The following EHMT2 variants were observed in gnomAD, a reference collection of about 807,000 sequenced individuals.
EHMT2 encodes euchromatic histone lysine methyltransferase 2.
EHMT2 carries 59 observed loss-of-function variants against 143.3 expected under a neutral mutation model. The observed-to-expected ratio is 0.41, with a 90% CI of 0.33 to 0.51. The LOEUF is 0.51. EHMT2 is among the 20% of genes least tolerant of loss of function. The probability of loss-of-function intolerance (pLI) is 0.18; values close to 1 mark genes in which losing one functional copy is unlikely to be tolerated. For synonymous variants in EHMT2, 604 were observed against 651.5 expected (o/e 0.93, Z 1.11); for missense variants, 1,174 against 1,645.9 (o/e 0.71, Z 4.96).
intron 24 of EHMT2, 47 bp downstream of exon 24, chr6:31,882,847 G>A: frequency 6.2e-7 from 1 of 1,611,958 alleles, no homozygotes; most frequent in East Asian, 2.2e-5. Flanking sequence ...GGGGCAGGGA[G>A]GAAAGGGTGA....
chr6:31,896,030 A>G (rs531052227), intron 4 of EHMT2: 124 of 475,888 alleles, frequency 2.6e-4, no homozygotes, highest in Admixed American at 2.4e-3. Context: ...TTAAGACATT[A>G]ACTATATAAT....
chr6:31,881,177 TG>T lies in EHMT2; in HGVS notation c.3198-86del. 3.4e-6 allele frequency: 4 copies of T among 1,182,430 alleles called. No homozygotes were observed. The highest frequency in any genetic ancestry group is 5.0e-6 in the Non-Finnish European group (4 of 793,696). 73.2% of individuals were successfully genotyped at this position (1,182,430 alleles called of 1,614,324 possible). On this transcript the variant is annotated intron_variant, in intron 25 of 27. Coordinates refer to ENST00000375537, the Ensembl canonical transcript of EHMT2. The surrounding 1 kb of genome is among the most constrained non-coding windows in gnomAD (Gnocchi z 4.8). The stretch of plus-strand genomic sequence containing the variant: ...GGCCCCATCTCTCTTCACAAGCCTG[TG>T]GAATCTGGAATGGGCAGGGCTGGCA...
At chr6:31,885,199 C>T (rs761099426) in intron 18 of EHMT2, 183 bp from the exon 19 acceptor site, 15 of 767,262 alleles carry the variant, frequency 2.0e-5, no homozygotes, top group East Asian at 2.9e-5. Context: ...CTAGTAGGGT[C>T]GGGCGCGGTG....
chr6:31,887,691 G>T, intron 14 of EHMT2, 32 bp from the exon 15 acceptor site: 1 of 1,611,062 alleles, frequency 6.2e-7, no homozygotes. Context: ...GGGGAGAGAA[G>T]GGGAGCTCCT....
chr6:31,886,130 T>TA (rs1764816832), intron 18 of EHMT2: 1 of 161,648 alleles, frequency 6.2e-6, no homozygotes, highest in Non-Finnish European at 1.3e-5. Flanking sequence ...CAGAGTTTCT[T>TA]AGAGAAATGG....
rs1387637922 is a variant in EHMT2, at chr6:31,888,952, C to G, written c.1216+17G>C. On this transcript the variant is annotated intron_variant, in intron 10 of 27. Coordinates refer to ENST00000375537, the Ensembl canonical transcript of EHMT2. The surrounding 1 kb of genome is among the most constrained non-coding windows in gnomAD (Gnocchi z 7.4). ...GTCGCCCCCTAGTGGCTCCCTGTCC[C>G]GGCAATTGGCAATTACCAGCGTGGT... 54 of 1,586,464 alleles carry G rather than the reference C, an allele frequency of 3.4e-5. 1 individual carries two copies. Among genetic ancestry groups the G allele is most frequent in the Non-Finnish European group, 4.3e-5 (50 of 1,167,162 alleles).
intron 7 of EHMT2, among the ~76,000 whole-genome samples, chr6:31,891,709 C>T (rs968678234): frequency 1.3e-5 from 2 of 152,124 alleles, no homozygotes; most frequent in African/African-American, 4.8e-5. Context: ...TAAAACCAGA[C>T]AAAGAGCAAC....
In EHMT2 at chr6:31,888,635, C is replaced by T. The variant is rs147698124; in HGVS notation, c.1329G>A (p.Gly443=). Residue 443 remains glycine, a synonymous_variant, in exon 11 of 28, where the codon GGG becomes GGA. Transcript: ENST00000375537. This position sits in a 1 kb window ranked among gnomAD's most constrained non-coding sequence, Gnocchi z 7.4. The stretch of plus-strand genomic sequence containing the variant: ...CACTCTCAGTGGCCATGCACTTGTG[C>T]CCCGCCCTCTCGCTGATGCGGTCAA... The T allele has an allele frequency of 6.2e-7, 1 of 1,613,496 alleles. No individual in the cohort carries two copies. Among genetic ancestry groups the T allele is most frequent in the African/African-American group, 1.3e-5 (1 of 75,036 alleles).
At position 31,883,497 on chromosome 6, in the gene EHMT2, C is replaced by T; in HGVS notation, c.2917-58G>A. ...CATGATCGGTCTGGGCCCCTCTACTCTTGATGCCCCCTGACCCCCTAACCA... is the reference window on the plus strand; with the variant it reads ...CATGATCGGTCTGGGCCCCTCTACTTTTGATGCCCCCTGACCCCCTAACCA... On this transcript the variant is annotated intron_variant, in intron 22 of 27. Transcript: ENST00000375537. This position sits in a 1 kb window ranked among gnomAD's most constrained non-coding sequence, Gnocchi z 5.6. 1 of 1,533,918 alleles carries T rather than the reference C, an allele frequency of 6.5e-7. No individual in the cohort carries two copies. Among genetic ancestry groups the T allele is most frequent in the Non-Finnish European group, 8.9e-7 (1 of 1,121,998 alleles).
At position 31,884,291 on chromosome 6, in the gene EHMT2, T is replaced by C. The variant is rs113623382; in HGVS notation, c.2771+101A>G. 1.6e-6 allele frequency: 2 copies of C among 1,257,126 alleles called. No homozygotes were observed. Among genetic ancestry groups the C allele is most frequent in the Non-Finnish European group, 2.1e-6 (2 of 949,288 alleles). The allele number at this position is 1,257,126 out of a possible 1,614,324, so 77.9% of individuals were successfully genotyped here. On this transcript the variant is annotated intron_variant, in intron 21 of 27. Transcript: ENST00000375537. The surrounding 1 kb of genome is among the most constrained non-coding windows in gnomAD (Gnocchi z 7.3). ...GTGGTTCTGGGGATTCAGTGGTGCA[T>C]GGGGAGGGGTTGGGGAATGTTGTGA...
chr6:31,882,663 T>C (rs1764265010), intron 25 of EHMT2, 36 bp downstream of exon 25: 1 of 1,595,122 alleles, frequency 6.3e-7, no homozygotes, highest in Non-Finnish European at 8.6e-7. Flanking sequence ...ATGTATCCCC[T>C]TCCCACCAGG....
At position 31,880,980 on chromosome 6, in the gene EHMT2, G is replaced by A; in HGVS notation, c.3276+34C>T. 1 of 1,610,026 alleles carries A rather than the reference G, an allele frequency of 6.2e-7. No homozygotes were observed. Among genetic ancestry groups the A allele is most frequent in the Non-Finnish European group, 8.5e-7 (1 of 1,177,506 alleles). Reference sequence around the variant, plus strand: ...CAGAGGCTCCTGAAAGCCAGCCCTGGGGAGCAGCAGGGTAAGGAGGGTCTC... The same window carrying A: ...CAGAGGCTCCTGAAAGCCAGCCCTGAGGAGCAGCAGGGTAAGGAGGGTCTC... On this transcript the variant is annotated intron_variant, in intron 26 of 27. Transcript: ENST00000375537. This position sits in a 1 kb window ranked among gnomAD's most constrained non-coding sequence, Gnocchi z 6.6.
chr6:31,883,547 G>T lies in EHMT2; in HGVS notation c.2917-108C>A. On this transcript the variant is annotated intron_variant, in intron 22 of 27. Transcript: ENST00000375537. This position sits in a 1 kb window ranked among gnomAD's most constrained non-coding sequence, Gnocchi z 5.6. ...ACTGTCCTTTCTTTGGGGTCCATGT[G>T]TTACAACAGTGGGTGGTGATGGTCC... The T allele has an allele frequency of 8.3e-7, 1 of 1,198,892 alleles. No individual in the cohort carries two copies. Among genetic ancestry groups the T allele is most frequent in the Non-Finnish European group, 1.2e-6 (1 of 829,430 alleles). The allele number at this position is 1,198,892 out of a possible 1,614,324, so 74.3% of individuals were successfully genotyped here. A position where few individuals can be genotyped will look rare whatever the true frequency, so the allele number is the denominator to read the frequency against.
intron 16 of EHMT2, 32 bp downstream of exon 16, chr6:31,886,963 T>C: frequency 1.9e-6 from 3 of 1,613,688 alleles, no homozygotes; most frequent in Non-Finnish European, 2.5e-6. Flanking sequence ...AAGGGCCTGG[T>C]GAATGAGGCA....
At chr6:31,897,236 C>A (rs1009326688) in intron 1 of EHMT2, 3 of 1,168,792 alleles carry the variant, frequency 2.6e-6, no homozygotes, top group African/African-American at 1.6e-5. Flanking sequence ...GGGGAGGGGG[C>A]GGGGCCTCCG....
At chr6:31,886,403 G>C in intron 18 of EHMT2, 178 bp downstream of exon 18, 2 of 612,622 alleles carry the variant, frequency 3.3e-6, no homozygotes, top group African/African-American at 3.7e-5. Flanking sequence ...ACTTGATAAA[G>C]AGAAAGAAAC....
At chr6:31,886,852 G>C in exon 17 of EHMT2, 1 of 1,614,238 alleles carries the variant, frequency 6.2e-7, no homozygotes, top group African/African-American at 1.3e-5. Flanking sequence ...GCCTCCATCA[G>C]TGGCGTCCGC....
Position 31,883,127 on chromosome 6 carries a change from C to G in EHMT2, c.2995-118G>C, listed in dbSNP as rs1028520697. On this transcript the variant is annotated intron_variant, in intron 23 of 27. Coordinates refer to ENST00000375537, the Ensembl canonical transcript of EHMT2. The surrounding 1 kb of genome is among the most constrained non-coding windows in gnomAD (Gnocchi z 5.6). ...TGGGGTTGGGGAGGTCACACAGGCTCTGAGATCCGAGAGCACGAAATGCAG... is the reference window on the plus strand; with the variant it reads ...TGGGGTTGGGGAGGTCACACAGGCTGTGAGATCCGAGAGCACGAAATGCAG... 4.0e-6 allele frequency: 4 copies of G among 989,972 alleles called. No homozygotes were observed. The highest frequency in any genetic ancestry group is 6.2e-6 in the Non-Finnish European group (4 of 644,872). 61.3% of individuals were successfully genotyped at this position (989,972 alleles called of 1,614,324 possible). A position where few individuals can be genotyped will look rare whatever the true frequency, so the allele number is the denominator to read the frequency against.
In EHMT2 at chr6:31,884,361, TC is replaced by T; in HGVS notation, c.2771+30del. 6.3e-7 allele frequency: 1 copy of T among 1,591,430 alleles called. No individual in the cohort carries two copies. Among genetic ancestry groups the T allele is most frequent in the South Asian group, 1.1e-5 (1 of 89,616 alleles). ...GAGGGTATGGGTGGGGAGGAGGTGG[TC>T]TTGGGTGCAGAGAGGGGCCCAGGGC... On this transcript the variant is annotated intron_variant, in intron 21 of 27. Coordinates refer to ENST00000375537, the Ensembl canonical transcript of EHMT2. This position sits in a 1 kb window ranked among gnomAD's most constrained non-coding sequence, Gnocchi z 7.3.
Sources: gnomAD v4.1 joint callset for allele counts (sites outside exome capture counted in the v4.1 genomes callset) on GRCh38, gnomAD v4.1.1 for gene constraint, Gnocchi (gnomAD v3.1) non-coding constraint, MANE v1.5 for transcripts, NCBI Gene and HGNC (gene_info 2026-07-23, HGNC 2026-07-21) for gene names.